Variants in CCDC180 observed in about 807,000 individuals in gnomAD.
The protein encoded by CCDC180 is coiled-coil domain-containing protein 180.
Under a neutral mutation model 209.2 loss-of-function variants are expected in CCDC180, and 154 were observed. That is an observed-to-expected ratio of 0.74 (90% CI 0.65 to 0.84). The LOEUF is 0.84. CCDC180 is among the 40% of genes least tolerant of loss of function. The pLI is 0.00. For synonymous variants in CCDC180, 778 were observed against 749.1 expected, an observed-to-expected ratio of 1.04 and a Z score of -0.63; for missense variants, 1,874 against 1,997.3, an observed-to-expected ratio of 0.94 and a Z score of 1.18.
At position 97,366,418 on chromosome 9, in the gene CCDC180, T is replaced by G; in HGVS notation, c.4048-141T>G. ...ACACGGGCAGACAGGGAAGGAGGAG[T>G]GTCTGCTCGTGTCACTTCCACAGGG... On this transcript the variant is annotated intron_variant, in intron 30 of 36. Coordinates refer to ENST00000529487, the MANE Select transcript of CCDC180 (RefSeq NM_020893.6). The surrounding 1 kb of genome is among the most constrained non-coding windows in gnomAD (Gnocchi z 4.3). 2.6e-6 allele frequency: 2 copies of G among 766,848 alleles called. No individual in the cohort carries two copies. Among genetic ancestry groups the G allele is most frequent in the Non-Finnish European group, 4.1e-6 (2 of 489,400 alleles). The allele number at this position is 766,848 out of a possible 1,614,324, so 47.5% of individuals were successfully genotyped here. A position where few individuals can be genotyped will look rare whatever the true frequency, so the allele number is the denominator to read the frequency against.
At chr9:97,313,417 C>G (rs1185059553) in intron 5 of CCDC180, 72 bp downstream of exon 5, 2 of 1,077,568 alleles carry the variant, frequency 1.9e-6, no homozygotes, top group African/African-American at 3.1e-5. Context: ...TGGCTCCCAG[C>G]CTTCCTCCCC....
At chr9:97,365,295 A>G (rs1182306894) in intron 29 of CCDC180, 1 of 183,696 alleles carries the variant, frequency 5.4e-6, no homozygotes, top group South Asian at 1.3e-4. Context: ...GATCTTAAAC[A>G]CCTGGTGGCC....
intron 4 of CCDC180, among the ~76,000 whole-genome samples, chr9:97,312,651 C>T (rs550191641): frequency 1.3e-4 from 20 of 152,304 alleles, no homozygotes; most frequent in Admixed American, 1.2e-3. Flanking sequence ...CACCATGACA[C>T]CTGTTCTTCT....
At chr9:97,356,822 CAG>C (rs1158582856) in intron 24 of CCDC180, among the ~76,000 whole-genome samples, 2 of 152,192 alleles carry the variant, frequency 1.3e-5, no homozygotes, top group African/African-American at 2.4e-5. Flanking sequence ...AAATACAAAA[CAG>C]AGAGTAAACC....
intron 18 of CCDC180, among the ~76,000 whole-genome samples, chr9:97,336,302 C>T (rs1488922714): frequency 6.6e-6 from 1 of 152,130 alleles, no homozygotes; most frequent in Non-Finnish European, 1.5e-5. Flanking sequence ...TTAGGTCTAA[C>T]ATTTAAGTCT....
intron 18 of CCDC180, 138 bp downstream of exon 18, chr9:97,330,905 T>C (rs1459372917): frequency 9.1e-6 from 8 of 876,560 alleles, no homozygotes; most frequent in Non-Finnish European, 1.4e-5. Context: ...AAAATATTCA[T>C]ACTATTCATA....
At chr9:97,325,247 A>G (rs1587793961) in intron 14 of CCDC180, 55 bp downstream of exon 14, 2 of 1,520,014 alleles carry the variant, frequency 1.3e-6, no homozygotes, top group South Asian at 1.2e-5. Flanking sequence ...AATGAACTCA[A>G]ACAGATCCTT....
At position 97,366,299 on chromosome 9, in the gene CCDC180, T is replaced by G. The variant is rs1441669467; in HGVS notation, c.4048-260T>G. On this transcript the variant is annotated intron_variant, in intron 30 of 36. Coordinates refer to ENST00000529487, the MANE Select transcript of CCDC180 (RefSeq NM_020893.6). The surrounding 1 kb of genome is among the most constrained non-coding windows in gnomAD (Gnocchi z 4.3). ...ATCTGAGATTCCATTGATTTGGGTCTTGAAGGATAAATAGGATTCTTGCCA... is the reference window on the plus strand; with the variant it reads ...ATCTGAGATTCCATTGATTTGGGTCGTGAAGGATAAATAGGATTCTTGCCA... Among the ~76,000 whole-genome samples, 1 of 152,236 alleles carries G rather than the reference T, an allele frequency of 6.6e-6. No homozygotes were observed. Among genetic ancestry groups the G allele is most frequent in the African/African-American group, 2.4e-5 (1 of 41,460 alleles).
intron 22 of CCDC180, 53 bp downstream of exon 22, chr9:97,350,608 A>G: frequency 1.3e-6 from 2 of 1,512,212 alleles, no homozygotes; most frequent in Non-Finnish European, 1.8e-6. Context: ...CTCTATTGGG[A>G]TGTGGTCTTG....
intron 8 of CCDC180, 65 bp downstream of exon 8, chr9:97,315,011 AC>A: frequency 8.0e-7 from 1 of 1,246,768 alleles, no homozygotes; most frequent in South Asian, 1.2e-5. Flanking sequence ...AACCCAGGGC[AC>A]CCCGAGCCTG....
At chr9:97,370,843 GAC>G (rs2117984780) in intron 33 of CCDC180, 65 bp downstream of exon 33, 1 of 1,552,188 alleles carries the variant, frequency 6.4e-7, no homozygotes, top group African/African-American at 1.4e-5. Context: ...GACAGCCACT[GAC>G]AGTGCCAGGT....
chr9:97,372,133 A>G (rs10115892), intron 34 of CCDC180: 17,141 of 153,360 alleles, frequency 0.11, 2,766 homozygotes, highest in African/African-American at 0.35. Context: ...GAACTCTCAC[A>G]GGTCAAATTT....
intron 9 of CCDC180, 82 bp from the exon 10 acceptor site, chr9:97,318,381 G>T: frequency 6.5e-7 from 1 of 1,537,306 alleles, no homozygotes. Flanking sequence ...TCTGAATGCT[G>T]TCACCATGGT....
At chr9:97,370,223 A>G in intron 32 of CCDC180, 141 bp downstream of exon 32, 1 of 894,384 alleles carries the variant, frequency 1.1e-6, no homozygotes, top group Non-Finnish European at 1.7e-6. Context: ...GCTGAGGGAC[A>G]GGAGCCATTG....
rs780526633 is a variant in CCDC180, at chr9:97,314,665, G to C, written c.636G>C (p.Arg212=). The C allele has an allele frequency of 2.5e-6, 4 of 1,613,972 alleles. No individual in the cohort carries two copies. The African/African-American group carries it at 5.3e-5, about 22-fold the overall frequency. Residue 212 remains arginine, a synonymous_variant, in exon 7 of 37, where the codon CGG becomes CGC. Coordinates refer to ENST00000529487, the MANE Select transcript of CCDC180 (RefSeq NM_020893.6). ...WDKVAGRLLL[R]KQEIKELDEA... Reference sequence around the variant, plus strand: ...AGGTGGCCGGGCGGTTACTGCTCCGGAAGCAGGAGATTAAGGAGCTGGATG... The same window carrying C: ...AGGTGGCCGGGCGGTTACTGCTCCGCAAGCAGGAGATTAAGGAGCTGGATG...
At chr9:97,314,350 G>C (rs1194163707) in intron 5 of CCDC180, 43 bp from the exon 6 acceptor site, 11 of 1,611,944 alleles carry the variant, frequency 6.8e-6, no homozygotes, top group Non-Finnish European at 9.3e-6. Flanking sequence ...CTCCTTCCCA[G>C]GGGTGCTGAT....
chr9:97,352,960 T>TAC (rs112554239), intron 22 of CCDC180, among the ~76,000 whole-genome samples: 2 of 149,452 alleles, frequency 1.3e-5, no homozygotes, highest in Non-Finnish European at 3.0e-5. Context: ...TATATATATA[T>TAC]ACACACACAC....
intron 24 of CCDC180, among the ~76,000 whole-genome samples, chr9:97,356,265 C>T (rs562636866): frequency 3.3e-5 from 5 of 151,636 alleles, no homozygotes; most frequent in African/African-American, 7.3e-5. Flanking sequence ...TAGGACAAGC[C>T]GAGGTGAGGA....
chr9:97,366,843 T>G lies in CCDC180; in HGVS notation c.4189+143T>G. On this transcript the variant is annotated intron_variant, in intron 31 of 36. Coordinates refer to ENST00000529487, the MANE Select transcript of CCDC180 (RefSeq NM_020893.6). This position sits in a 1 kb window ranked among gnomAD's most constrained non-coding sequence, Gnocchi z 4.3. ...CTGTGAAAAGCTGACCTCTTAAAAT[T>G]AGGTAAAAACAATAATCAGATTTTA... 1 of 839,756 alleles carries G rather than the reference T, an allele frequency of 1.2e-6. No individual in the cohort carries two copies. Among genetic ancestry groups the G allele is most frequent in the Non-Finnish European group, 1.7e-6 (1 of 574,998 alleles). 52.0% of individuals were successfully genotyped at this position (839,756 alleles called of 1,614,324 possible). A position where few individuals can be genotyped will look rare whatever the true frequency, so the allele number is the denominator to read the frequency against.
Sources: gnomAD v4.1 joint callset for allele counts (sites outside exome capture counted in the v4.1 genomes callset) on GRCh38, gnomAD v4.1.1 for gene constraint, Gnocchi (gnomAD v3.1) non-coding constraint, MANE v1.5 for transcripts, NCBI Gene and HGNC (gene_info 2026-07-23, HGNC 2026-07-21) for gene names.